TEX11: variants seen among roughly 807,000 people sequenced by gnomAD.
TEX11 encodes testis-expressed protein 11.
In TEX11, 7 loss-of-function variants were observed where a neutral mutation model predicts 84.4. The ratio of observed to expected loss-of-function variants is 0.08; its 90% CI spans 0.05 to 0.16. TEX11 has a LOEUF of 0.16. Among genes scored for constraint, TEX11 ranks in the 10% least tolerant of loss-of-function variants. The pLI is 1.00. For synonymous variants in TEX11, 264 were observed against 222.8 expected, an observed-to-expected ratio of 1.18 and a Z score of -1.64; for missense variants, 551 against 660.5, an observed-to-expected ratio of 0.83 and a Z score of 1.82.
At chrX:70,725,475 C>T (rs1213575513) in intron 11 of TEX11, 132 bp from the exon 12 acceptor site, 2 of 372,256 alleles carry the variant, frequency 5.4e-6, no homozygotes, top group African/African-American at 5.0e-5. Context: ...TACAGAAGAC[C>T]ATATCATAAC....
intron 28 of TEX11, among the ~76,000 whole-genome samples, chrX:70,551,079 AT>A (rs2088207635): frequency 8.9e-6 from 1 of 111,879 alleles, no homozygotes; most frequent in South Asian, 3.7e-4. Flanking sequence ...CATAAAAAAA[AT>A]AAGATCCAGT....
At chrX:70,615,603 T>C (rs1190983705) in intron 20 of TEX11, among the ~76,000 whole-genome samples, 1 of 111,945 alleles carries the variant, frequency 8.9e-6, no homozygotes, top group Non-Finnish European at 1.9e-5. Context: ...GAAAGTGACA[T>C]GGGTAGAAAG....
intron 24 of TEX11, among the ~76,000 whole-genome samples, chrX:70,597,135 TGTTGAAA>T (rs1211564589): frequency 8.9e-6 from 1 of 112,083 alleles, no homozygotes; most frequent in East Asian, 2.8e-4. Flanking sequence ...CACAAAACAT[TGTTGAAA>T]GAAGTGAAAA....
intron 12 of TEX11, chrX:70,724,196 G>A: frequency 1.3e-6 from 1 of 753,069 alleles, no homozygotes; most frequent in Non-Finnish European, 1.6e-6. Context: ...TATTATTTTA[G>A]TTGGTTAGTT....
At chrX:70,882,742 C>T (rs1451231014) in intron 2 of TEX11, among the ~76,000 whole-genome samples, 4 of 108,859 alleles carry the variant, frequency 3.7e-5, no homozygotes, top group South Asian at 4.1e-4. Flanking sequence ...GATCATGCCA[C>T]GGCACTCCAG....
intron 13 of TEX11, among the ~76,000 whole-genome samples, chrX:70,718,791 C>T (rs774906952): frequency 9.0e-6 from 1 of 111,577 alleles, no homozygotes; most frequent in African/African-American, 3.3e-5. Context: ...CATACAGAGA[C>T]TAGTCAACAT....
intron 7 of TEX11, among the ~76,000 whole-genome samples, chrX:70,847,762 T>C (rs1008161766): frequency 1.8e-5 from 2 of 110,841 alleles, no homozygotes; most frequent in African/African-American, 3.3e-5. Context: ...CATGCTGGTC[T>C]TGAACTCCTG....
At chrX:70,673,438 A>C (rs977549397) in intron 15 of TEX11, 2 of 111,698 alleles carry the variant, frequency 1.8e-5, no homozygotes, top group Admixed American at 1.9e-4. Context: ...CCATATTTTG[A>C]ATGATAAACT....
At chrX:70,564,720 C>A (rs1457984212) in intron 25 of TEX11, among the ~76,000 whole-genome samples, 1 of 108,333 alleles carries the variant, frequency 9.2e-6, no homozygotes, top group Admixed American at 1.0e-4. Flanking sequence ...CATGTCCCTA[C>A]AAAGGACATG....
chrX:70,756,039 G>A (rs1302626576), intron 9 of TEX11, among the ~76,000 whole-genome samples: 1 of 112,185 alleles, frequency 8.9e-6, no homozygotes, highest in African/African-American at 3.2e-5. Context: ...CTTGGCGGGG[G>A]GAGGGGTGTT....
intron 9 of TEX11, among the ~76,000 whole-genome samples, chrX:70,750,931 A>ATAT (rs1330223404): frequency 3.1e-3 from 68 of 21,970 alleles, no homozygotes; most frequent in African/African-American, 5.1e-3. Context: ...TAAAAAAAAA[A>ATAT]AAATATATAT....
intron 20 of TEX11, among the ~76,000 whole-genome samples, chrX:70,610,967 G>C (rs1207131404): frequency 8.9e-6 from 1 of 112,170 alleles, no homozygotes; most frequent in Non-Finnish European, 1.9e-5. Flanking sequence ...GGTTGAACGA[G>C]GAGTGGGTGG....
intron 7 of TEX11, among the ~76,000 whole-genome samples, chrX:70,834,022 C>T (rs1002327644): frequency 1.8e-5 from 2 of 110,837 alleles, no homozygotes; most frequent in South Asian, 3.9e-4. Context: ...ATATCCACTA[C>T]AAAAAGCAGC....
At chrX:70,740,630 C>T in intron 11 of TEX11, 71 bp downstream of exon 11, 18 of 736,339 alleles carry the variant, frequency 2.4e-5, no homozygotes, top group Non-Finnish European at 3.5e-5. Context: ...AATGTCTAAA[C>T]TGGATTTCAA....
intron 11 of TEX11, among the ~76,000 whole-genome samples, chrX:70,739,114 A>G (rs977775280): frequency 8.9e-6 from 1 of 111,911 alleles, no homozygotes; most frequent in African/African-American, 3.2e-5. Context: ...AACTTAAAGT[A>G]AAATTTAAAA....
intron 13 of TEX11, among the ~76,000 whole-genome samples, chrX:70,694,997 C>A (rs1396194880): frequency 8.9e-6 from 1 of 111,879 alleles, no homozygotes; most frequent in Non-Finnish European, 1.9e-5. Flanking sequence ...ACCTCCATGA[C>A]CCAAACACCT....
intron 25 of TEX11, among the ~76,000 whole-genome samples, chrX:70,579,551 G>A (rs1038957487): frequency 1.9e-5 from 2 of 107,458 alleles, no homozygotes; most frequent in African/African-American, 3.3e-5. Context: ...AGAAACTGAA[G>A]AGACAATCCA....
chrX:70,772,967 G>A (rs1260131519), intron 9 of TEX11, among the ~76,000 whole-genome samples: 1 of 110,171 alleles, frequency 9.1e-6, no homozygotes, highest in Non-Finnish European at 1.9e-5. Flanking sequence ...ATGAAAAAGA[G>A]TGAAGAAAGC....
rs1302821035 is a variant in TEX11 at position 70,566,504 on chromosome X, C to CA, written c.2141-11705_2141-11704insT. Among the ~76,000 whole-genome samples the CA allele has an allele frequency of 7.5e-4, 82 of 109,654 alleles. 1 individual carries two copies. The highest frequency in any genetic ancestry group is 2.5e-3 in the African/African-American group (75 of 30,104). On this transcript the variant is annotated intron_variant, in intron 25 of 29. Coordinates refer to ENST00000374333, the MANE Select transcript of TEX11 (RefSeq NM_031276.3). ...TGCCAGTTTTCAAAGGGAATGCTTC[C>CA]GTTTTTGCCCATTCAGTATGATATT...
Sources: gnomAD v4.1 joint callset for allele counts (sites outside exome capture counted in the v4.1 genomes callset) on GRCh38, gnomAD v4.1.1 for gene constraint, MANE v1.5 for transcripts, NCBI Gene and HGNC (gene_info 2026-07-23, HGNC 2026-07-21) for gene names.